The following FBN2 variants were observed in gnomAD, a reference collection of about 807,000 sequenced individuals.
FBN2 encodes the protein fibrillin-2.
Under a neutral mutation model 355.6 loss-of-function variants are expected in FBN2, and 105 were observed. That is an observed-to-expected ratio of 0.30 (90% CI 0.25 to 0.35). The LOEUF (loss-of-function observed/expected upper bound fraction) is 0.35. Among genes scored for constraint, FBN2 ranks in the 10% least tolerant of loss-of-function variants. The probability of loss-of-function intolerance (pLI) is 1.00; values close to 1 mark genes in which losing one functional copy is unlikely to be tolerated. For synonymous variants in FBN2, 1,350 were observed against 1,301.2 expected, an observed-to-expected ratio of 1.04 and a Z score of -0.81; for missense variants, 3,280 against 3,758.7, an observed-to-expected ratio of 0.87 and a Z score of 3.33.
intron 62 of FBN2, among the ~76,000 whole-genome samples, chr5:128,266,115 T>A (rs1765108333): frequency 6.6e-6 from 1 of 152,234 alleles, no homozygotes. Context: ...TTCACCCAAT[T>A]TCTGCCATAT....
chr5:128,434,070 C>T (rs1753704474), intron 7 of FBN2, among the ~76,000 whole-genome samples: 1 of 151,970 alleles, frequency 6.6e-6, no homozygotes, highest in Admixed American at 6.6e-5. Context: ...TTTACCTAAC[C>T]TTGCGACCAA....
intron 7 of FBN2, among the ~76,000 whole-genome samples, chr5:128,438,527 G>T (rs1332631157): frequency 6.6e-6 from 1 of 152,060 alleles, no homozygotes; most frequent in African/African-American, 2.4e-5. Context: ...TAGTTTTATG[G>T]TAAGTGGAAA....
chr5:128,278,593 T>G (rs657987), intron 57 of FBN2, 42 bp downstream of exon 57: 2 of 1,551,400 alleles, frequency 1.3e-6, no homozygotes, highest in African/African-American at 1.4e-5. Flanking sequence ...TTCATAAAAT[T>G]TAATGTGTTG....
intron 6 of FBN2, 59 bp from the exon 7 acceptor site, chr5:128,446,665 T>G: frequency 6.4e-7 from 1 of 1,572,308 alleles, no homozygotes; most frequent in Non-Finnish European, 8.7e-7. Context: ...ATCTATACTT[T>G]TTTTTACTAT....
At chr5:128,382,946 A>G (rs1352314833) in intron 11 of FBN2, among the ~76,000 whole-genome samples, 1 of 152,080 alleles carries the variant, frequency 6.6e-6, no homozygotes, top group African/African-American at 2.4e-5. Flanking sequence ...AGACAGATTT[A>G]CCCTCCTTCC....
chr5:128,537,761 C>A lies in FBN2; in HGVS notation c.-158G>T. On this transcript the variant is annotated 5_prime_UTR_variant, in exon 1 of 65. Coordinates refer to ENST00000262464, the MANE Select transcript of FBN2 (RefSeq NM_001999.4). ...TCCCTGCTCTAGCTGGAGACCTCGA[C>A]AGAGCGCCGGCCCCCTGACTGCCCG... 1 of 727,712 alleles carries A rather than the reference C, an allele frequency of 1.4e-6. No individual in the cohort carries two copies. The highest frequency in any genetic ancestry group is 2.3e-6 in the Non-Finnish European group (1 of 439,334). 45.1% of individuals were successfully genotyped at this position (727,712 alleles called of 1,614,324 possible).
intron 55 of FBN2, among the ~76,000 whole-genome samples, chr5:128,284,101 T>A (rs1053416119): frequency 6.6e-6 from 1 of 152,180 alleles, no homozygotes; most frequent in Non-Finnish European, 1.5e-5. Context: ...CCATTACCTA[T>A]AAGGCAGCCA....
At chr5:128,298,470 A>C (rs1003531740) in intron 48 of FBN2, among the ~76,000 whole-genome samples, 1 of 152,184 alleles carries the variant, frequency 6.6e-6, no homozygotes, top group African/African-American at 2.4e-5. Context: ...ACTTTCAGGT[A>C]CACCAATCAG....
intron 34 of FBN2, among the ~76,000 whole-genome samples, chr5:128,323,747 A>T (rs556524537): frequency 6.6e-6 from 1 of 152,234 alleles, no homozygotes; most frequent in African/African-American, 2.4e-5. Context: ...TTGGCTTGAA[A>T]TTTTATTTTT....
intron 25 of FBN2, among the ~76,000 whole-genome samples, chr5:128,341,805 G>C (rs1374747382): frequency 1.3e-5 from 2 of 152,142 alleles, no homozygotes; most frequent in Non-Finnish European, 2.9e-5. Context: ...CTCTGCCTTG[G>C]AGTCTGTTTC....
chr5:128,500,433 T>C (rs1311297215), intron 5 of FBN2, among the ~76,000 whole-genome samples: 1 of 57,876 alleles, frequency 1.7e-5, no homozygotes, highest in Non-Finnish European at 3.2e-5. Flanking sequence ...GACAATTCTT[T>C]TTTTTTTTTT....
chr5:128,530,384 A>G (rs1756671124), intron 3 of FBN2, among the ~76,000 whole-genome samples: 1 of 152,210 alleles, frequency 6.6e-6, no homozygotes, highest in African/African-American at 2.4e-5. Flanking sequence ...ACCTGGATTC[A>G]AGTCTGTGTT....
intron 24 of FBN2, 31 bp downstream of exon 24, chr5:128,345,326 A>T (rs1272875087): frequency 6.4e-7 from 1 of 1,554,828 alleles, no homozygotes; most frequent in African/African-American, 1.4e-5. Context: ...GTTGGTGAAG[A>T]AGGACCAAGG....
At chr5:128,302,188 G>A (rs770472227) in intron 46 of FBN2, among the ~76,000 whole-genome samples, 5 of 152,166 alleles carry the variant, frequency 3.3e-5, no homozygotes, top group Non-Finnish European at 5.9e-5. Context: ...AAATGAGGAC[G>A]TGGGGATGAG....
At chr5:128,408,899 AT>A (rs1218520613) in intron 7 of FBN2, 100 bp from the exon 8 acceptor site, 34 of 1,270,434 alleles carry the variant, frequency 2.7e-5, no homozygotes, top group African/African-American at 4.4e-5. Flanking sequence ...TTCATGGTTG[AT>A]TAGGTCAGAT....
chr5:128,378,967 T>C (rs1285181515), intron 11 of FBN2, 77 bp from the exon 12 acceptor site: 2 of 1,557,678 alleles, frequency 1.3e-6, no homozygotes, highest in East Asian at 2.2e-5. Flanking sequence ...TTTAGTCCTC[T>C]AAAGTTTGAG....
At chr5:128,288,599 T>A (rs1414479183) in intron 52 of FBN2, 42 bp from the exon 53 acceptor site, 1 of 1,607,746 alleles carries the variant, frequency 6.2e-7, no homozygotes, top group Non-Finnish European at 8.5e-7. Context: ...GATGTTTTAG[T>A]TTAACAGGAG....
In FBN2 at chr5:128,263,485, G is replaced by C. The variant is rs758149534; in HGVS notation, c.8132C>G (p.Ser2711Cys). The C allele has an allele frequency of 1.2e-6, 2 of 1,614,098 alleles. No homozygotes were observed. Among genetic ancestry groups the C allele is most frequent in the Middle Eastern group, 1.6e-4 (1 of 6,062 alleles). The change falls in exon 63 of 65, where the codon TCT (serine) becomes TGT (cysteine). Residue 2711 changes from serine to cysteine, a missense_variant. Transcript: ENST00000262464. ...SSKNPCNYGC[S>C]NTEGGYLCGC... The stretch of plus-strand genomic sequence containing the variant: ...ACAGAGGTAGCCCCCCTCCGTGTTA[G>C]AGCAGCCGTAATTGCAGGGGTTCTT...
chr5:128,460,092 A>G (rs1415254804), intron 6 of FBN2, among the ~76,000 whole-genome samples: 2 of 152,210 alleles, frequency 1.3e-5, no homozygotes, highest in Non-Finnish European at 2.9e-5. Flanking sequence ...AATCTCCTGA[A>G]GCTGATAAGC....
Sources: allele counts gnomAD v4.1 joint callset (sites outside exome capture counted in the v4.1 genomes callset), GRCh38; gene constraint gnomAD v4.1.1; transcripts MANE v1.5; gene names NCBI Gene and HGNC (gene_info 2026-07-23, HGNC 2026-07-21).